The following CNOT6 variants were observed in gnomAD, a reference collection of about 807,000 sequenced individuals.
CNOT6 encodes the protein CCR4-NOT transcription complex subunit 6, also known as carbon catabolite repression 4 protein.
Under a neutral mutation model 61.2 loss-of-function variants are expected in CNOT6, and 12 were observed. That is an observed-to-expected ratio of 0.20 (90% CI 0.13 to 0.32). The LOEUF is 0.32. CNOT6 is among the 10% of genes least tolerant of loss of function. CNOT6 has a pLI of 1.00. For synonymous variants in CNOT6, 225 were observed against 240.6 expected, an observed-to-expected ratio of 0.94 and a Z score of 0.60; for missense variants, 405 against 663.9, an observed-to-expected ratio of 0.61 and a Z score of 4.28.
At chr5:180,568,588 A>C (rs1760587711) in intron 9 of CNOT6, among the ~76,000 whole-genome samples, 2 of 151,618 alleles carry the variant, frequency 1.3e-5, no homozygotes, top group South Asian at 4.1e-4. Context: ...AAATAAATAC[A>C]TAAAATAATT....
chr5:180,505,251 ATTTTTT>A (rs70973919), intron 1 of CNOT6, among the ~76,000 whole-genome samples: 1 of 60,424 alleles, frequency 1.7e-5, no homozygotes, highest in Non-Finnish European at 3.0e-5. Context: ...GTAATAGTTA[ATTTTTT>A]TTTTTTTTTT....
chr5:180,535,551 A>T (rs1758641569), intron 2 of CNOT6, among the ~76,000 whole-genome samples: 1 of 152,188 alleles, frequency 6.6e-6, no homozygotes. Context: ...TTCTTTATCC[A>T]GTCATCCATT....
At position 180,514,965 on chromosome 5, in the gene CNOT6, A is replaced by G. The variant is rs536769042; in HGVS notation, c.-2-14310A>G. The stretch of plus-strand genomic sequence containing the variant: ...GTTTAGAGGTGATATATGCTGTGGT[A>G]AACGTATGGTGTGCATGCAGAGTGG... On this transcript the variant is annotated intron_variant, in intron 1 of 11. Coordinates refer to ENST00000261951, the MANE Select transcript of CNOT6 (RefSeq NM_001370472.1). Among the ~76,000 whole-genome samples the G allele has an allele frequency of 2.0e-5, 3 of 152,312 alleles. No individual in the cohort carries two copies. The South Asian group carries it at 6.2e-4, about 32-fold the overall frequency.
chr5:180,569,821 G>A (rs1424907928), intron 10 of CNOT6, among the ~76,000 whole-genome samples: 1 of 152,190 alleles, frequency 6.6e-6, no homozygotes, highest in Non-Finnish European at 1.5e-5. Context: ...TTTTGACAAA[G>A]AGCAAGGATC....
intron 1 of CNOT6, among the ~76,000 whole-genome samples, chr5:180,504,793 G>GT (rs1278761427): frequency 6.6e-6 from 1 of 151,924 alleles, no homozygotes; most frequent in Non-Finnish European, 1.5e-5. Context: ...ATTTTACTTT[G>GT]TTTTTTAAAA....
At chr5:180,565,614 T>C (rs2127762020) in intron 6 of CNOT6, among the ~76,000 whole-genome samples, 1 of 152,324 alleles carries the variant, frequency 6.6e-6, no homozygotes, top group Non-Finnish European at 1.5e-5. Flanking sequence ...AGGTAGTACA[T>C]TGTATTCTAA....
chr5:180,507,732 G>A (rs1376545132), intron 1 of CNOT6, among the ~76,000 whole-genome samples: 3 of 149,754 alleles, frequency 2.0e-5, no homozygotes, highest in Non-Finnish European at 4.5e-5. Flanking sequence ...AATTTATGAA[G>A]AAAAGGGGTT....
intron 4 of CNOT6, among the ~76,000 whole-genome samples, chr5:180,563,763 T>A (rs1194804367): frequency 1.3e-5 from 2 of 152,222 alleles, no homozygotes; most frequent in Admixed American, 6.5e-5. Context: ...GGAACTTTGC[T>A]CCATGAAACC....
chr5:180,500,656 T>C (rs1356025413), intron 1 of CNOT6, among the ~76,000 whole-genome samples: 1 of 152,226 alleles, frequency 6.6e-6, no homozygotes, highest in Non-Finnish European at 1.5e-5. Context: ...TGTTTAATAC[T>C]AGTTTTAAAT....
At chr5:180,500,310 C>G (rs1307494140) in intron 1 of CNOT6, among the ~76,000 whole-genome samples, 1 of 152,082 alleles carries the variant, frequency 6.6e-6, no homozygotes, top group Non-Finnish European at 1.5e-5. Flanking sequence ...TGAGGTCTCT[C>G]TACGTTGCCC....
At chr5:180,548,556 C>T (rs535796962) in intron 2 of CNOT6, among the ~76,000 whole-genome samples, 6 of 152,186 alleles carry the variant, frequency 3.9e-5, no homozygotes, top group Non-Finnish European at 7.4e-5. Flanking sequence ...CTGTCCTCTA[C>T]CTGGGATTCC....
chr5:180,535,910 G>A (rs1758662522), intron 2 of CNOT6, among the ~76,000 whole-genome samples: 3 of 147,310 alleles, frequency 2.0e-5, no homozygotes, highest in Admixed American at 1.4e-4. Context: ...GATTATTGAT[G>A]TTGAGCATTT....
intron 4 of CNOT6, among the ~76,000 whole-genome samples, chr5:180,557,239 TTC>T (rs1759943714): frequency 6.6e-6 from 1 of 152,220 alleles, no homozygotes; most frequent in Non-Finnish European, 1.5e-5. Context: ...AATATAGTTA[TTC>T]ATTTCTCTAG....
chr5:180,515,045 C>T (rs945322970), intron 1 of CNOT6, among the ~76,000 whole-genome samples: 1 of 152,010 alleles, frequency 6.6e-6, no homozygotes, highest in African/African-American at 2.4e-5. Context: ...TGTAACATGT[C>T]GTCTGAGTTC....
chr5:180,566,425 C>T (rs920302232), intron 7 of CNOT6, among the ~76,000 whole-genome samples: 1 of 152,094 alleles, frequency 6.6e-6, no homozygotes, highest in Non-Finnish European at 1.5e-5. Context: ...TTACTTTCTG[C>T]CCAAGGGTCT....
chr5:180,523,538 C>T (rs905065878), intron 1 of CNOT6, among the ~76,000 whole-genome samples: 1 of 152,190 alleles, frequency 6.6e-6, no homozygotes, highest in South Asian at 2.1e-4. Flanking sequence ...ACAACTATTT[C>T]TTTTCACCTC....
chr5:180,546,721 G>T (rs1759335537), intron 2 of CNOT6, among the ~76,000 whole-genome samples: 1 of 152,092 alleles, frequency 6.6e-6, no homozygotes, highest in Non-Finnish European at 1.5e-5. Context: ...TTTCCATCTG[G>T]TATTTTATTT....
intron 11 of CNOT6, among the ~76,000 whole-genome samples, chr5:180,573,552 AGTGTGTGTGTGTGTGTGT>A (rs755954581): frequency 1.6e-4 from 19 of 119,164 alleles, no homozygotes; most frequent in Non-Finnish European, 3.0e-4. Flanking sequence ...GGAGGGGGGC[AGTGTGTGTGTGTGTGTGT>A]GTGTGTGTGT....
At chr5:180,541,469 T>TTTTTTA (rs1759036632) in intron 2 of CNOT6, among the ~76,000 whole-genome samples, 3 of 144,336 alleles carry the variant, frequency 2.1e-5, no homozygotes, top group South Asian at 2.3e-4. Flanking sequence ...TTTTTTTTTT[T>TTTTTTA]GAGACAGAGT....
Sources: allele counts gnomAD v4.1 joint callset (sites outside exome capture counted in the v4.1 genomes callset), GRCh38; gene constraint gnomAD v4.1.1; transcripts MANE v1.5; gene names NCBI Gene and HGNC (gene_info 2026-07-23, HGNC 2026-07-21).